The following UQCC1 variants were observed in gnomAD, a reference collection of about 807,000 sequenced individuals.
UQCC1 encodes ubiquinol-cytochrome c reductase complex assembly factor 1.
UQCC1 carries 38 observed loss-of-function variants against 48.0 expected under a neutral mutation model. The ratio of observed to expected loss-of-function variants is 0.79; its 90% CI spans 0.61 to 1.04. The LOEUF (loss-of-function observed/expected upper bound fraction) is 1.04. Ranked by LOEUF, UQCC1 falls within the 50% of genes least tolerant of loss-of-function variation. UQCC1 has a pLI of 0.00. For missense variants in UQCC1, 368 were observed against 381.8 expected (o/e 0.96, Z 0.30); for synonymous variants, 111 against 129.2 (o/e 0.86, Z 0.95).
intron 7 of UQCC1, among the ~76,000 whole-genome samples, chr20:35,319,473 G>T (rs2061098572): frequency 6.6e-6 from 1 of 152,070 alleles, no homozygotes; most frequent in Non-Finnish European, 1.5e-5. Context: ...TAATATATTT[G>T]CCATGCACTT....
intron 7 of UQCC1, chr20:35,345,526 A>G (rs1019007487): frequency 6.6e-6 from 1 of 152,238 alleles, no homozygotes; most frequent in East Asian, 1.9e-4. Context: ...ATTACACAGC[A>G]GCTACGACAG....
chr20:35,328,334 T>C (rs572411670), intron 7 of UQCC1, among the ~76,000 whole-genome samples: 2 of 152,312 alleles, frequency 1.3e-5, no homozygotes, highest in East Asian at 1.9e-4. Flanking sequence ...ATCACAACTA[T>C]GCAAAACCAC....
intron 7 of UQCC1, among the ~76,000 whole-genome samples, chr20:35,343,575 ATCAAG>A (rs568545713): frequency 9.8e-4 from 149 of 152,366 alleles, no homozygotes; most frequent in Middle Eastern, 3.4e-3. Flanking sequence ...GAAAGAAGGT[ATCAAG>A]TCAACTATAG....
chr20:35,331,152 C>T (rs1488540173), intron 7 of UQCC1, among the ~76,000 whole-genome samples: 1 of 152,138 alleles, frequency 6.6e-6, no homozygotes, highest in African/African-American at 2.4e-5. Flanking sequence ...CAGAAGCCTG[C>T]TCAGCGCTTA....
intron 7 of UQCC1, among the ~76,000 whole-genome samples, chr20:35,325,484 A>G (rs1337498411): frequency 6.6e-6 from 1 of 152,262 alleles, no homozygotes; most frequent in Non-Finnish European, 1.5e-5. Flanking sequence ...CAGTGGTATC[A>G]TGAGCTAACT....
At chr20:35,356,369 C>T (rs1843483921) in intron 6 of UQCC1, among the ~76,000 whole-genome samples, 2 of 152,080 alleles carry the variant, frequency 1.3e-5, no homozygotes, top group Admixed American at 1.3e-4. Flanking sequence ...AGGGTGACAT[C>T]TGATTGACGC....
In UQCC1 at chr20:35,348,482, C is replaced by T. The variant is rs192416010; in HGVS notation, c.465-1210G>A. Among the ~76,000 whole-genome samples, 433 of 152,208 alleles carry T rather than the reference C, an allele frequency of 2.8e-3. 8 individuals are homozygous for T. Among genetic ancestry groups the T allele is most frequent in the African/African-American group, 9.6e-3 (397 of 41,528 alleles). ...TCGGCTCACTACAAGCTCTGCCTCCCGGGTTCTTGCCATTCTCCTGCTTCA... is the reference window on the plus strand; with the variant it reads ...TCGGCTCACTACAAGCTCTGCCTCCTGGGTTCTTGCCATTCTCCTGCTTCA... On this transcript the variant is annotated intron_variant, in intron 6 of 9. Coordinates refer to ENST00000374385, the MANE Select transcript of UQCC1 (RefSeq NM_018244.5).
At chr20:35,339,224 C>T (rs927924578) in intron 7 of UQCC1, among the ~76,000 whole-genome samples, 1 of 151,970 alleles carries the variant, frequency 6.6e-6, no homozygotes, top group Admixed American at 6.6e-5. Context: ...TATGTTCATC[C>T]AACACATATT....
intron 8 of UQCC1, among the ~76,000 whole-genome samples, chr20:35,311,680 A>G (rs768571453): frequency 7.2e-5 from 11 of 152,190 alleles, no homozygotes. Flanking sequence ...TCACATGCAC[A>G]TTAAAATACA....
chr20:35,374,243 G>A lies in UQCC1; in HGVS notation c.347C>T (p.Ala116Val), dbSNP rs775379228. ...LKYSKWKIKIAALRMYTSCVE... is the reference protein window; with the variant it reads ...LKYSKWKIKIVALRMYTSCVE... ...ACAGCTAGTATACATGCGCAGGGCC[G>A]CAATCTTAATCTTCTAGACAAAGAG... Residue 116 changes from alanine to valine, a missense_variant, in exon 5 of 10, where the codon GCG becomes GTG. Transcript: ENST00000374385. 3 of 1,610,992 alleles carry A rather than the reference G, an allele frequency of 1.9e-6. No homozygotes were observed. Among genetic ancestry groups the A allele is most frequent in the African/African-American group, 1.3e-5 (1 of 74,900 alleles).
At chr20:35,363,053 GAAAGAAAC>G (rs1390908705) in intron 6 of UQCC1, among the ~76,000 whole-genome samples, 2 of 140,054 alleles carry the variant, frequency 1.4e-5, no homozygotes, top group Non-Finnish European at 3.1e-5. Context: ...AAAAAAGAAA[GAAAGAAAC>G]AAAAGAAAAT....
chr20:35,314,372 A>G (rs1006275134), intron 8 of UQCC1, among the ~76,000 whole-genome samples: 1 of 151,368 alleles, frequency 6.6e-6, no homozygotes, highest in Admixed American at 6.6e-5. Flanking sequence ...TCTCTCTGGG[A>G]GCACATGGGG....
At chr20:35,350,075 T>C (rs2061473727) in intron 6 of UQCC1, among the ~76,000 whole-genome samples, 1 of 152,120 alleles carries the variant, frequency 6.6e-6, no homozygotes, top group Admixed American at 6.5e-5. Context: ...GAGAAAGATA[T>C]AATCAACATT....
chr20:35,306,792 G>C lies in UQCC1; in HGVS notation c.652-13C>G, dbSNP rs775536448. ...CTGAAAGGATCCCCTGGAACATACA[G>C]CACAGCAGTGGTCTCCTGAGGGATC... On this transcript the variant is annotated splice_polypyrimidine_tract_variant and intron_variant, in intron 8 of 9. Transcript: ENST00000374385. 8.1e-6 allele frequency: 13 copies of C among 1,598,394 alleles called. No homozygotes were observed. Among genetic ancestry groups the C allele is most frequent in the Non-Finnish European group, 1.0e-5 (12 of 1,165,860 alleles).
At position 35,346,811 on chromosome 20, in the gene UQCC1, T is replaced by C. The variant is rs1463308166; in HGVS notation, c.573+353A>G. On this transcript the variant is annotated intron_variant, in intron 7 of 9. Coordinates refer to ENST00000374385, the MANE Select transcript of UQCC1 (RefSeq NM_018244.5). ...AGAACTAATTTATAGAAGGACTGGT[T>C]CAAATATTGAACTGGTGTCAAAGGT... 9.9e-6 allele frequency: 6 copies of C among 608,228 alleles called. No individual in the cohort carries two copies. The African/African-American group carries it at 1.1e-4, about 11-fold the overall frequency. 37.7% of individuals were successfully genotyped at this position (608,228 alleles called of 1,614,324 possible).
intron 6 of UQCC1, among the ~76,000 whole-genome samples, chr20:35,357,728 C>A (rs1389587535): frequency 6.7e-6 from 1 of 148,204 alleles, no homozygotes; most frequent in Non-Finnish European, 1.5e-5. Flanking sequence ...AAAACAAAGT[C>A]AAAATGGTTA....
chr20:35,314,558 G>A, intron 8 of UQCC1, 130 bp downstream of exon 8: 1 of 638,668 alleles, frequency 1.6e-6, no homozygotes, highest in Admixed American at 2.7e-5. Flanking sequence ...TGATGAATAT[G>A]AAGAAATAAA....
At chr20:35,336,941 G>A (rs1246353101) in intron 7 of UQCC1, among the ~76,000 whole-genome samples, 3 of 152,174 alleles carry the variant, frequency 2.0e-5, no homozygotes, top group Non-Finnish European at 2.9e-5. Flanking sequence ...TTCACATGTC[G>A]TTAGCCCATG....
At chr20:35,336,262 C>G (rs2061315346) in intron 7 of UQCC1, among the ~76,000 whole-genome samples, 1 of 152,156 alleles carries the variant, frequency 6.6e-6, no homozygotes, top group Admixed American at 6.6e-5. Context: ...AATTGCCTAA[C>G]AGTGGTAGGT....
Sources: allele counts gnomAD v4.1 joint callset (sites outside exome capture counted in the v4.1 genomes callset), GRCh38; gene constraint gnomAD v4.1.1; transcripts MANE v1.5; gene names NCBI Gene and HGNC (gene_info 2026-07-23, HGNC 2026-07-21).